The following KIF5C variants were observed in gnomAD, a reference collection of about 807,000 sequenced individuals.
KIF5C encodes the protein kinesin heavy chain isoform 5C.
Under a neutral mutation model 125.2 loss-of-function variants are expected in KIF5C, and 18 were observed. That is an observed-to-expected ratio of 0.14 (90% CI 0.10 to 0.21). The LOEUF (loss-of-function observed/expected upper bound fraction) is 0.21, where lower values mean the gene tolerates loss of function less well. Ranked by LOEUF, KIF5C falls within the 10% of genes least tolerant of loss-of-function variation. KIF5C has a pLI of 1.00. For missense variants in KIF5C, 780 were observed against 1,183.8 expected (o/e 0.66, Z 5.01); for synonymous variants, 405 against 434.0 (o/e 0.93, Z 0.83).
At chr2:149,000,910 G>A (rs556813663) in intron 21 of KIF5C, 128 bp downstream of exon 21, 2 of 1,480,460 alleles carry the variant, frequency 1.4e-6, no homozygotes, top group South Asian at 2.7e-5. Flanking sequence ...ACATTCTATG[G>A]AAAAGTAGGA....
At chr2:148,955,534 C>G (rs1258663763) in intron 10 of KIF5C, among the ~76,000 whole-genome samples, 2 of 152,022 alleles carry the variant, frequency 1.3e-5, no homozygotes, top group African/African-American at 4.8e-5. Context: ...AACTTGCCAG[C>G]CCCCATAGTC....
At chr2:148,941,461 A>C in intron 4 of KIF5C, 149 bp from the exon 5 acceptor site, 1 of 1,051,364 alleles carries the variant, frequency 9.5e-7, no homozygotes, top group Non-Finnish European at 1.4e-6. Flanking sequence ...GAATCCCAGT[A>C]GAGCTGGCCA....
chr2:148,989,875 C>T (rs959267417), intron 15 of KIF5C, among the ~76,000 whole-genome samples: 1 of 152,144 alleles, frequency 6.6e-6, no homozygotes, highest in Non-Finnish European at 1.5e-5. Flanking sequence ...AGGGCTGATA[C>T]CTGGTTCCAT....
chr2:148,939,575 A>T (rs1682363690), intron 4 of KIF5C, among the ~76,000 whole-genome samples: 2 of 152,236 alleles, frequency 1.3e-5, no homozygotes, highest in Non-Finnish European at 2.9e-5. Flanking sequence ...CAGCCCTAGC[A>T]TGAAGTTAGG....
intron 12 of KIF5C, among the ~76,000 whole-genome samples, chr2:148,978,342 T>TTG (rs1681135628): frequency 1.4e-5 from 2 of 142,332 alleles, no homozygotes; most frequent in African/African-American, 5.6e-5. Context: ...AGGTTTTTTT[T>TTG]TTTTTTTTTT....
intron 14 of KIF5C, 122 bp downstream of exon 14, chr2:148,981,683 G>T: frequency 7.1e-7 from 1 of 1,416,352 alleles, no homozygotes; most frequent in Non-Finnish European, 9.3e-7. Flanking sequence ...AGTGTTAGAT[G>T]CATTCTCTGA....
intron 2 of KIF5C, among the ~76,000 whole-genome samples, chr2:148,929,054 T>C (rs1682109329): frequency 6.6e-6 from 1 of 152,232 alleles, no homozygotes; most frequent in Non-Finnish European, 1.5e-5. Flanking sequence ...TGGGAGAAAG[T>C]GTGTCTGCCT....
chr2:148,929,853 A>G (rs1170534740), intron 3 of KIF5C, among the ~76,000 whole-genome samples: 1 of 152,072 alleles, frequency 6.6e-6, no homozygotes, highest in Admixed American at 6.6e-5. Flanking sequence ...TAAAAATTGG[A>G]TGATTTCACA....
At chr2:148,904,382 G>A (rs1222877460) in intron 1 of KIF5C, among the ~76,000 whole-genome samples, 2 of 152,310 alleles carry the variant, frequency 1.3e-5, no homozygotes, top group East Asian at 1.9e-4. Context: ...ATGGTTCCTC[G>A]TACTGGGAAT....
At chr2:149,010,082 G>T (rs545393797) in intron 23 of KIF5C, 53 bp from the exon 24 acceptor site, 1 of 1,504,946 alleles carries the variant, frequency 6.6e-7, no homozygotes, top group Non-Finnish European at 8.9e-7. Context: ...GCTCTGGTTT[G>T]TGCAATGCTG....
chr2:148,920,941 C>T (rs1183299338), intron 1 of KIF5C, among the ~76,000 whole-genome samples: 3 of 152,184 alleles, frequency 2.0e-5, no homozygotes, highest in African/African-American at 4.8e-5. Context: ...CTCCCCTCTG[C>T]TATGTGGGGA....
intron 21 of KIF5C, among the ~76,000 whole-genome samples, chr2:149,001,796 G>C (rs1405257007): frequency 6.6e-6 from 1 of 152,242 alleles, no homozygotes; most frequent in Non-Finnish European, 1.5e-5. Context: ...CCGTTGGTTA[G>C]ATACAGTCAT....
chr2:148,947,175 T>C (rs1467238505), intron 8 of KIF5C, 152 bp downstream of exon 8: 2 of 1,224,986 alleles, frequency 1.6e-6, no homozygotes, highest in Non-Finnish European at 2.2e-6. Context: ...ATTTAACCCT[T>C]TGTCCCTGCT....
chr2:148,898,798 T>C (rs140888587), intron 1 of KIF5C, among the ~76,000 whole-genome samples: 47 of 152,312 alleles, frequency 3.1e-4, no homozygotes, highest in African/African-American at 1.1e-3. Flanking sequence ...AATTTTGTTG[T>C]CTTAAACCAC....
At chr2:148,965,809 T>C (rs1413110059) in intron 11 of KIF5C, among the ~76,000 whole-genome samples, 2 of 152,200 alleles carry the variant, frequency 1.3e-5, no homozygotes, top group African/African-American at 2.4e-5. Flanking sequence ...TCATTCTCTT[T>C]CTACTGTCTG....
intron 4 of KIF5C, 105 bp downstream of exon 4, chr2:148,937,493 A>G: frequency 1.4e-6 from 2 of 1,424,968 alleles, no homozygotes; most frequent in Non-Finnish European, 1.9e-6. Flanking sequence ...ACTAATTTAA[A>G]TGACATTCTT....
chr2:149,008,542 T>C (rs1682080745), intron 23 of KIF5C, among the ~76,000 whole-genome samples: 2 of 152,314 alleles, frequency 1.3e-5, no homozygotes, highest in East Asian at 3.9e-4. Flanking sequence ...GCACCCTCTC[T>C]GCTCAGCTGC....
intron 1 of KIF5C, among the ~76,000 whole-genome samples, chr2:148,888,996 T>G (rs908442287): frequency 6.6e-6 from 1 of 152,178 alleles, no homozygotes; most frequent in Admixed American, 6.5e-5. Context: ...TTTCCCTTAC[T>G]CTAGGTGATG....
At chr2:148,935,348 G>A (rs1682270447) in intron 3 of KIF5C, among the ~76,000 whole-genome samples, 1 of 152,170 alleles carries the variant, frequency 6.6e-6, no homozygotes, top group African/African-American at 2.4e-5. Context: ...TTCTTCTCTG[G>A]CTGTGGGCTA....
Sources: gnomAD v4.1 joint callset for allele counts (sites outside exome capture counted in the v4.1 genomes callset) on GRCh38, gnomAD v4.1.1 for gene constraint, MANE v1.5 for transcripts, NCBI Gene and HGNC (gene_info 2026-07-23, HGNC 2026-07-21) for gene names.